CELSR1: variants seen among roughly 807,000 people sequenced by gnomAD.
CELSR1 encodes the protein cadherin EGF LAG seven-pass G-type receptor 1.
In CELSR1, 110 loss-of-function variants were observed where a neutral mutation model predicts 249.1. The observed-to-expected ratio is 0.44, with a 90% confidence interval of 0.38 to 0.52. The LOEUF (loss-of-function observed/expected upper bound fraction) is 0.52. Among genes scored for constraint, CELSR1 ranks in the 20% least tolerant of loss-of-function variants. The pLI is 0.00. For missense variants in CELSR1, 4,109 were observed against 4,296.4 expected, an observed-to-expected ratio of 0.96 and a Z score of 1.22; for synonymous variants, 2,113 against 1,900.0, an observed-to-expected ratio of 1.11 and a Z score of -2.92.
intron 2 of CELSR1, among the ~76,000 whole-genome samples, chr22:46,456,873 C>T (rs2079960758): frequency 7.4e-6 from 1 of 134,542 alleles, no homozygotes; most frequent in Admixed American, 8.2e-5. Context: ...CTCGCAGGGA[C>T]AGTTGGGGAC....
rs963313341 is a variant in CELSR1, at chr22:46,434,437, G to C, written c.4523-956C>G. On this transcript the variant is annotated intron_variant, in intron 4 of 34. Transcript: ENST00000674500. This position sits in a 1 kb window ranked among gnomAD's most constrained non-coding sequence, Gnocchi z 4.9. ...CTCCAGGGAACCAGCAGGAGTTCTG[G>C]AAACGGGTGTGGGAGACACTGGCCA... is the stretch of plus-strand genomic sequence containing the variant. Among the ~76,000 whole-genome samples, 1 of 152,244 alleles carries C rather than the reference G, an allele frequency of 6.6e-6. No homozygotes were observed. Among genetic ancestry groups the C allele is most frequent in the Non-Finnish European group, 1.5e-5 (1 of 68,044 alleles).
intron 9 of CELSR1, among the ~76,000 whole-genome samples, chr22:46,400,238 A>G (rs1038616080): frequency 1.3e-5 from 2 of 152,098 alleles, no homozygotes; most frequent in Non-Finnish European, 2.9e-5. Flanking sequence ...CTGGGGCAGG[A>G]GAACTGCTTG....
intron 5 of CELSR1, among the ~76,000 whole-genome samples, chr22:46,424,034 A>G (rs1360024575): frequency 2.0e-5 from 3 of 152,122 alleles, no homozygotes; most frequent in Non-Finnish European, 4.4e-5. Context: ...TCAGAAAAAC[A>G]TATGTATATA....
rs565448976 is a variant in CELSR1, at chr22:46,440,006, G to A, written c.4184-595C>T. Among the ~76,000 whole-genome samples the A allele has an allele frequency of 1.5e-4, 23 of 151,488 alleles. No homozygotes were observed. Among genetic ancestry groups the A allele is most frequent in the African/African-American group, 4.4e-4 (18 of 41,198 alleles). The stretch of plus-strand genomic sequence containing the variant: ...ACCCGGTTCTAATCTGGCCCGTCTC[G>A]CCCACCAGCCTGTGAGCTCCTGAAG... On this transcript the variant is annotated intron_variant, in intron 2 of 34. Coordinates refer to ENST00000674500, the MANE Select transcript of CELSR1 (RefSeq NM_001378328.1). This position sits in a 1 kb window ranked among gnomAD's most constrained non-coding sequence, Gnocchi z 4.7.
chr22:46,384,632 C>T lies in CELSR1; in HGVS notation c.6794G>A (p.Arg2265Gln), dbSNP rs143455021. The T allele has an allele frequency of 1.6e-5, 26 of 1,613,570 alleles. No individual in the cohort carries two copies. Among genetic ancestry groups the T allele is most frequent in the Admixed American group, 1.3e-4 (8 of 59,930 alleles). The part of the protein sequence containing the change: ...KFNFTGARVP[R>Q]FDTIHEEFPR... ...GAACTCTTCATGGATGGTGTCGAATCGCGGGACCCTGGCTCCCGTAAAGTT... is the reference window on the plus strand; with the variant it reads ...GAACTCTTCATGGATGGTGTCGAATTGCGGGACCCTGGCTCCCGTAAAGTT... The change falls in exon 20 of 35, where the codon CGA becomes CAA. Residue 2265 changes from arginine (R) to glutamine (Q), a missense_variant. Physicochemically the swap from Arg to Gln is conservative, Grantham distance 43. Around this residue, in one of 7 missense-constraint regions of CELSR1, gnomAD observed 1,805 missense variants for 1,831.6 expected, o/e 0.99. Transcript: ENST00000674500.
At chr22:46,378,911 CG>C (rs1569116374) in intron 22 of CELSR1, among the ~76,000 whole-genome samples, 194 bp from the exon 23 acceptor site, 53 of 152,272 alleles carry the variant, frequency 3.5e-4, no homozygotes, top group African/African-American at 1.2e-3. Context: ...CCCCCTACAC[CG>C]AAGACAAGAG....
rs1304615623 is a variant in CELSR1 at position 46,429,560 on chromosome 22, G to C, written c.4611+3833C>G. On this transcript the variant is annotated intron_variant, in intron 5 of 34. Coordinates refer to ENST00000674500, the MANE Select transcript of CELSR1 (RefSeq NM_001378328.1). The surrounding 1 kb of genome is among the most constrained non-coding windows in gnomAD (Gnocchi z 4.1). ...TGTACCCTTTGGTTTTGCTGAAGGTGAATTAGACCAATAAACCTTCTCGTC... is the reference window on the plus strand; with the variant it reads ...TGTACCCTTTGGTTTTGCTGAAGGTCAATTAGACCAATAAACCTTCTCGTC... Among the ~76,000 whole-genome samples the C allele has an allele frequency of 1.3e-5, 2 of 152,236 alleles. No individual in the cohort carries two copies. The highest frequency in any genetic ancestry group is 4.8e-5 in the African/African-American group (2 of 41,462).
At position 46,440,065 on chromosome 22, in the gene CELSR1, G is replaced by C. The variant is rs1569164367; in HGVS notation, c.4184-654C>G. On this transcript the variant is annotated intron_variant, in intron 2 of 34. Transcript: ENST00000674500. This position sits in a 1 kb window ranked among gnomAD's most constrained non-coding sequence, Gnocchi z 4.7. Reference sequence around the variant, plus strand: ...CCACCCTACTCTGATGTCCTTCCTAGAGTTTAAACTCTTTTGTGACAGGAA... The same window carrying C: ...CCACCCTACTCTGATGTCCTTCCTACAGTTTAAACTCTTTTGTGACAGGAA... Among the ~76,000 whole-genome samples, 2 of 152,056 alleles carry C rather than the reference G, an allele frequency of 1.3e-5. No individual in the cohort carries two copies. The highest frequency in any genetic ancestry group is 1.3e-4 in the Admixed American group (2 of 15,272).
Position 46,488,311 on chromosome 22 carries a change from CA to C in CELSR1, c.3545-23967del, listed in dbSNP as rs2080335309. The stretch of plus-strand genomic sequence containing the variant: ...ATGGGAAGCCCTGCCCTCCTGGGGA[CA>C]GGGGGATGGTCTTGGGGGATGAGAG... On this transcript the variant is annotated intron_variant, in intron 1 of 34. Coordinates refer to ENST00000674500, the MANE Select transcript of CELSR1 (RefSeq NM_001378328.1). The surrounding 1 kb of genome is among the most constrained non-coding windows in gnomAD (Gnocchi z 4.7). 6.6e-6 allele frequency among the ~76,000 whole-genome samples: 1 copy of C among 151,968 alleles called. No individual in the cohort carries two copies. Among genetic ancestry groups the C allele is most frequent in the Admixed American group, 6.6e-5 (1 of 15,264 alleles).
chr22:46,411,758 G>T lies in CELSR1; in HGVS notation c.4613C>A (p.Pro1538His). 6.2e-7 allele frequency: 1 copy of T among 1,614,060 alleles called. No homozygotes were observed. Among genetic ancestry groups the T allele is most frequent in the Non-Finnish European group, 8.5e-7 (1 of 1,180,042 alleles). The change falls in exon 6 of 35, where the codon CCC (proline) becomes CAC (histidine). Residue 1538 changes from proline (P) to histidine (H), a missense_variant and splice_region_variant. Pro to His is a moderately conservative substitution (Grantham distance 77). Transcript: ENST00000674500. The surrounding 1 kb of genome is among the most constrained non-coding windows in gnomAD (Gnocchi z 4.2). The stretch of plus-strand genomic sequence containing the variant: ...GGGCAGGCCCAGGTGGCCAATATTG[G>T]GCTGTAAGAAGAGAAAGCACAGAAG... ...HSVQVQYYNK[P>H]NIGHLGLPHG... is the part of the protein sequence containing the mutation.
chr22:46,366,353 G>A lies in CELSR1; in HGVS notation c.8300+33C>T, dbSNP rs762273382. ...GGGCAAAACCTGAGGGAGTTCGAGA[G>A]CCACCTCCCCGAACCCGGAGCTGCG... On this transcript the variant is annotated intron_variant, in intron 30 of 34. Transcript: ENST00000674500. 3 of 1,524,356 alleles carry A rather than the reference G, an allele frequency of 2.0e-6. No individual in the cohort carries two copies. The South Asian group carries it at 3.6e-5, about 19-fold the overall frequency. 94.4% of individuals were successfully genotyped at this position (1,524,356 alleles called of 1,614,324 possible). A position where few individuals can be genotyped will look rare whatever the true frequency, so the allele number is the denominator to read the frequency against.
rs1411440993 is a variant in CELSR1 at position 46,380,739 on chromosome 22, A to ACTCT, written c.7256+45_7256+48dup. ...ACTGAGCCCCCGACCCTGCGGGGGC[A>ACTCT]CTCTGCCTTGGCAAAGCCCTCACAT... is the stretch of plus-strand genomic sequence containing the variant. On this transcript the variant is annotated intron_variant, in intron 22 of 34. Coordinates refer to ENST00000674500, the MANE Select transcript of CELSR1 (RefSeq NM_001378328.1). This position sits in a 1 kb window ranked among gnomAD's most constrained non-coding sequence, Gnocchi z 5.1. The ACTCT allele has an allele frequency of 5.6e-6, 9 of 1,594,308 alleles. No individual in the cohort carries two copies. Among genetic ancestry groups the ACTCT allele is most frequent in the Non-Finnish European group, 7.7e-6 (9 of 1,169,248 alleles).
rs775900657 is a variant in CELSR1 at position 46,384,650 on chromosome 22, G to T, written c.6776C>A (p.Thr2259Lys). ...GTCGAATCGCGGGACCCTGGCTCCC[G>T]TAAAGTTGAACTTGTCAAAGATGTC... ...AVDIFDKFNF[T>K]GARVPRFDTI... The change falls in exon 20 of 35, where the codon ACG becomes AAG. Residue 2259 changes from threonine (T) to lysine (K), a missense_variant. Around this residue, in one of 7 missense-constraint regions of CELSR1, gnomAD observed 1,805 missense variants for 1,831.6 expected, o/e 0.99. Coordinates refer to ENST00000674500, the MANE Select transcript of CELSR1 (RefSeq NM_001378328.1). The T allele has an allele frequency of 6.2e-7, 1 of 1,613,236 alleles. No homozygotes were observed. Among genetic ancestry groups the T allele is most frequent in the African/African-American group, 1.3e-5 (1 of 74,990 alleles).
At chr22:46,525,239 G>A (rs1315248165) in intron 1 of CELSR1, among the ~76,000 whole-genome samples, 3 of 152,158 alleles carry the variant, frequency 2.0e-5, no homozygotes, top group African/African-American at 4.8e-5. Flanking sequence ...ACCTGAGGTC[G>A]GGAGTTCAAG....
At position 46,396,552 on chromosome 22, in the gene CELSR1, A is replaced by C. The variant is rs2147272930; in HGVS notation, c.5843+53T>G. The stretch of plus-strand genomic sequence containing the variant: ...AAAGAGAAGACACTGAGTCGAGGGA[A>C]CACAGCCACATGGACTCTGAAGGTG... On this transcript the variant is annotated intron_variant, in intron 13 of 34. Transcript: ENST00000674500. This position sits in a 1 kb window ranked among gnomAD's most constrained non-coding sequence, Gnocchi z 6.4. 6.9e-7 allele frequency: 1 copy of C among 1,456,342 alleles called. No individual in the cohort carries two copies. Among genetic ancestry groups the C allele is most frequent in the East Asian group, 2.6e-5 (1 of 38,944 alleles). 90.2% of individuals were successfully genotyped at this position (1,456,342 alleles called of 1,614,324 possible). A position where few individuals can be genotyped will look rare whatever the true frequency, so the allele number is the denominator to read the frequency against.
chr22:46,461,570 C>T (rs1415690285), intron 2 of CELSR1, among the ~76,000 whole-genome samples: 1 of 152,232 alleles, frequency 6.6e-6, no homozygotes, highest in Non-Finnish European at 1.5e-5. Context: ...CCTGACTCAT[C>T]TGACAAAGCC....
intron 24 of CELSR1, among the ~76,000 whole-genome samples, chr22:46,375,862 G>A (rs966514559): frequency 3.9e-5 from 6 of 152,142 alleles, no homozygotes; most frequent in South Asian, 2.1e-4. Context: ...TTCTCATAAC[G>A]TGCCTGTAGA....
Position 46,367,664 on chromosome 22 carries a change from G to A in CELSR1, c.8079+65C>T, listed in dbSNP as rs954507086. 56 of 1,547,488 alleles carry A rather than the reference G, an allele frequency of 3.6e-5. No homozygotes were observed. In the African/African-American group the frequency reaches 4.3e-4, roughly 12 times the overall value. ...GGACCGCAGAGGCCTCCACTGCTTC[G>A]CATCACAGCGATGGTGTCACGGCGG... On this transcript the variant is annotated intron_variant, in intron 28 of 34. Coordinates refer to ENST00000674500, the MANE Select transcript of CELSR1 (RefSeq NM_001378328.1).
In CELSR1 at chr22:46,447,851, C is replaced by T. The variant is rs903329326; in HGVS notation, c.4184-8440G>A. Reference sequence around the variant, plus strand: ...GCCAGGCTGGTCTCGAACTCCTGACCTCAGGTGATCTGCTCGCCTTAGCCT... The same window carrying T: ...GCCAGGCTGGTCTCGAACTCCTGACTTCAGGTGATCTGCTCGCCTTAGCCT... On this transcript the variant is annotated intron_variant, in intron 2 of 34. Coordinates refer to ENST00000674500, the MANE Select transcript of CELSR1 (RefSeq NM_001378328.1). The surrounding 1 kb of genome is among the most constrained non-coding windows in gnomAD (Gnocchi z 4.7). 1.4e-4 allele frequency among the ~76,000 whole-genome samples: 21 copies of T among 152,122 alleles called. No individual in the cohort carries two copies. Among genetic ancestry groups the T allele is most frequent in the African/African-American group, 5.1e-4 (21 of 41,418 alleles).
Sources: gnomAD v4.1 joint callset for allele counts (sites outside exome capture counted in the v4.1 genomes callset) on GRCh38, gnomAD v4.1.1 for gene constraint, gnomAD v4.1.1 regional missense constraint, Gnocchi (gnomAD v3.1) non-coding constraint, MANE v1.5 for transcripts, NCBI Gene and HGNC (gene_info 2026-07-23, HGNC 2026-07-21) for gene names.